CRYBG3: variants seen among roughly 807,000 people sequenced by gnomAD.
The protein encoded by CRYBG3 is crystallin beta-gamma domain containing 3, also known as very large A-kinase anchor protein.
CRYBG3 carries 127 observed loss-of-function variants against 244.2 expected under a neutral mutation model. That is an observed-to-expected ratio of 0.52 (90% confidence interval 0.45 to 0.60). The LOEUF is 0.60. Among genes scored for constraint, CRYBG3 ranks in the 20% least tolerant of loss-of-function variants. The pLI, the probability that CRYBG3 is intolerant of heterozygous loss-of-function variation, is 0.00. For synonymous variants in CRYBG3, 1,132 were observed against 1,195.8 expected (o/e 0.95, Z 1.10); for missense variants, 3,325 against 3,442.5 (o/e 0.97, Z 0.85).
Position 97,875,697 on chromosome 3 carries a change from A to G in CRYBG3, c.4503A>G (p.Val1501=). ...TSKSSLSDSL[V]CISEKNLPGH... ...AAAGCAGTTTGTCTGATAGCCTTGT[A>G]TGTATATCTGAAAAAAACTTGCCAG... Residue 1501 remains valine (V), a synonymous_variant, in exon 4 of 22, where the codon GTA becomes GTG. Coordinates refer to ENST00000389622, the MANE Select transcript of CRYBG3 (RefSeq NM_153605.4). The G allele has an allele frequency of 4.1e-6, 5 of 1,232,558 alleles. No individual in the cohort carries two copies. The highest frequency in any genetic ancestry group is 4.0e-6 in the Non-Finnish European group (4 of 988,350). 76.4% of individuals were successfully genotyped at this position (1,232,558 alleles called of 1,614,324 possible).
intron 3 of CRYBG3, among the ~76,000 whole-genome samples, chr3:97,864,867 A>G (rs1032674831): frequency 1.3e-5 from 2 of 152,104 alleles, no homozygotes; most frequent in Non-Finnish European, 2.9e-5. Flanking sequence ...TTGTCTTAGT[A>G]AAAGATTCTT....
At chr3:97,932,396 G>A (rs1248708119) in intron 17 of CRYBG3, among the ~76,000 whole-genome samples, 1 of 151,880 alleles carries the variant, frequency 6.6e-6, no homozygotes, top group Non-Finnish European at 1.5e-5. Context: ...CTCTCCTGAT[G>A]GGCGTTTAAA....
At chr3:97,912,543 G>T (rs955524104) in intron 16 of CRYBG3, among the ~76,000 whole-genome samples, 3 of 152,056 alleles carry the variant, frequency 2.0e-5, no homozygotes, top group Admixed American at 6.5e-5. Flanking sequence ...TAAATATTTT[G>T]AATGTTTATA....
rs766745161 is a variant in CRYBG3 at position 97,875,967 on chromosome 3, T to C, written c.4773T>C (p.Val1591=). 15 of 1,232,060 alleles carry C rather than the reference T, an allele frequency of 1.2e-5. No individual in the cohort carries two copies. Among genetic ancestry groups the C allele is most frequent in the Non-Finnish European group, 1.5e-5 (15 of 987,938 alleles). 76.3% of individuals were successfully genotyped at this position (1,232,060 alleles called of 1,614,324 possible). The change falls in exon 4 of 22, where the codon GTT becomes GTC. Residue 1591 remains valine, a synonymous_variant. Transcript: ENST00000389622. ...CGAAAACTGAGCCAAAAGCTAATGTTTTTAAAATGGGAGAAGTATACCAAA... is the reference window on the plus strand; with the variant it reads ...CGAAAACTGAGCCAAAAGCTAATGTCTTTAAAATGGGAGAAGTATACCAAA... ...NVTKTEPKAN[V]FKMGEVYQMD...
Position 97,872,474 on chromosome 3 carries a change from T to C in CRYBG3, c.1280T>C (p.Val427Ala), listed in dbSNP as rs1388224561. 1 of 1,536,026 alleles carries C rather than the reference T, an allele frequency of 6.5e-7. No homozygotes were observed. The highest frequency in any genetic ancestry group is 8.7e-7 in the Non-Finnish European group (1 of 1,146,842). Residue 427 changes from valine (V) to alanine (A), a missense_variant, in exon 4 of 22, where the codon GTT (valine) becomes GCT (alanine). Val to Ala is a moderately conservative substitution (Grantham distance 64). Around this residue, in one of 4 missense-constraint regions of CRYBG3, gnomAD observed 1,526 missense variants for 1,443.2 expected, o/e 1.06. Transcript: ENST00000389622. The stretch of plus-strand genomic sequence containing the variant: ...ACATTGGTGCAAAGAGAGGAGCTTG[T>C]TGAGCCTCAGGGCCCTGCTATTTCT... The part of the protein sequence containing the change: ...NRTLVQREEL[V>A]EPQGPAISDF...
intron 1 of CRYBG3, among the ~76,000 whole-genome samples, chr3:97,837,885 G>A (rs1195917002): frequency 6.6e-6 from 1 of 152,054 alleles, no homozygotes; most frequent in Non-Finnish European, 1.5e-5. Context: ...CCCTGATGCA[G>A]TCACAGTTAT....
chr3:97,860,547 G>A (rs1356396857), intron 2 of CRYBG3, among the ~76,000 whole-genome samples: 1 of 152,120 alleles, frequency 6.6e-6, no homozygotes, highest in Non-Finnish European at 1.5e-5. Context: ...GGTATCTGGG[G>A]GATGAATATT....
chr3:97,898,038 G>A (rs531419814), intron 12 of CRYBG3, among the ~76,000 whole-genome samples: 3 of 151,816 alleles, frequency 2.0e-5, no homozygotes, highest in Non-Finnish European at 4.4e-5. Flanking sequence ...GGCTAACACA[G>A]TGAAACCCCA....
intron 17 of CRYBG3, 136 bp from the exon 18 acceptor site, chr3:97,933,558 A>G (rs1348060966): frequency 5.7e-6 from 5 of 884,496 alleles, no homozygotes; most frequent in South Asian, 2.9e-5. Context: ...AGTTTTGACT[A>G]TAGCAACCTT....
chr3:97,847,560 C>T (rs1358304959), intron 2 of CRYBG3, among the ~76,000 whole-genome samples: 1 of 152,166 alleles, frequency 6.6e-6, no homozygotes, highest in Admixed American at 6.5e-5. Context: ...AAAAAGAAAT[C>T]CTATTAAAAC....
chr3:97,874,417 A>G lies in CRYBG3; in HGVS notation c.3223A>G (p.Asn1075Asp). Residue 1075 changes from asparagine to aspartate, a missense_variant, in exon 4 of 22, where the codon AAT becomes GAT. By Grantham distance (23) the Asn-to-Asp change is conservative (BLOSUM62 1). Transcript: ENST00000389622. Reference protein sequence around the residue: ...SYPEEVSMIVNSHKPQNNLDS... With the variant: ...SYPEEVSMIVDSHKPQNNLDS... ...CCCTGAAGAAGTTAGCATGATAGTA[A>G]ATTCACATAAGCCCCAAAATAATTT... 6.5e-7 allele frequency: 1 copy of G among 1,534,948 alleles called. No individual in the cohort carries two copies. The highest frequency in any genetic ancestry group is 8.7e-7 in the Non-Finnish European group (1 of 1,146,558).
In CRYBG3 at chr3:97,875,015, A is replaced by G. The variant is rs2039354232; in HGVS notation, c.3821A>G (p.Lys1274Arg). 1 of 1,535,776 alleles carries G rather than the reference A, an allele frequency of 6.5e-7. No homozygotes were observed. The highest frequency in any genetic ancestry group is 8.7e-7 in the Non-Finnish European group (1 of 1,146,822). The change falls in exon 4 of 22, where the codon AAA becomes AGA. Residue 1274 changes from lysine (K) to arginine (R), a missense_variant. Coordinates refer to ENST00000389622, the MANE Select transcript of CRYBG3 (RefSeq NM_153605.4). Reference protein sequence around the residue: ...EQGMENMSEVKEKPCVSPTVG... With the variant: ...EQGMENMSEVREKPCVSPTVG... The stretch of plus-strand genomic sequence containing the variant: ...GGCATGGAAAACATGTCAGAAGTCA[A>G]AGAGAAGCCCTGTGTTTCACCAACA...
intron 1 of CRYBG3, among the ~76,000 whole-genome samples, chr3:97,842,226 G>T (rs2038829815): frequency 6.6e-6 from 1 of 152,122 alleles, no homozygotes; most frequent in Non-Finnish European, 1.5e-5. Context: ...CTAGTATTAT[G>T]AAAGTATGAA....
rs1158824080 is a variant in CRYBG3 at position 97,877,633 on chromosome 3, G to A, written c.6439G>A (p.Asp2147Asn). ...TGATGAAGATGACAGAGAGGCAGCT[G>A]ATGAGGAAGAAGAGGAGGAGGAGGC... Reference protein sequence around the residue: ...NFDEDDREAADEEEEEEEAAV... With the variant: ...NFDEDDREAANEEEEEEEAAV... Residue 2147 changes from aspartate to asparagine, a missense_variant, in exon 4 of 22, where the codon GAT becomes AAT. Asp to Asn is a conservative substitution (Grantham distance 23). This residue lies in a region of CRYBG3 where 450 missense variants were observed against 424.1 expected (regional missense o/e 1.06). Transcript: ENST00000389622. The A allele has an allele frequency of 6.2e-6, 10 of 1,613,998 alleles. No individual in the cohort carries two copies. Among genetic ancestry groups the A allele is most frequent in the Non-Finnish European group, 8.5e-6 (10 of 1,180,020 alleles).
intron 17 of CRYBG3, among the ~76,000 whole-genome samples, chr3:97,927,741 C>G (rs1021313848): frequency 6.6e-6 from 1 of 151,964 alleles, no homozygotes. Context: ...AAAAAGGGAG[C>G]AAAGGACATG....
chr3:97,913,243 T>C (rs985297348), intron 16 of CRYBG3, among the ~76,000 whole-genome samples: 3 of 152,208 alleles, frequency 2.0e-5, no homozygotes, highest in African/African-American at 7.2e-5. Context: ...TTCAAGCTCT[T>C]TCTTTTCTTG....
rs1576515282 is a variant in CRYBG3, at chr3:97,843,216, C to A, written c.171C>A (p.Ser57Arg). Residue 57 changes from serine to arginine, a missense_variant, in exon 2 of 22, where the codon AGC becomes AGA. Transcript: ENST00000389622. The stretch of plus-strand genomic sequence containing the variant: ...TCAGTGTTGAAAATGAGCCCATGAG[C>A]ACAAGTCAGAAAAAGGAAAATGTAC... Reference protein sequence around the residue: ...SAASVENEPMSTSQKKENVLS... With the variant: ...SAASVENEPMRTSQKKENVLS... The A allele has an allele frequency of 6.6e-7, 1 of 1,521,524 alleles. No individual in the cohort carries two copies. The highest frequency in any genetic ancestry group is 8.8e-7 in the Non-Finnish European group (1 of 1,137,568). 94.3% of individuals were successfully genotyped at this position (1,521,524 alleles called of 1,614,324 possible).
At chr3:97,846,703 G>C (rs146295005) in intron 2 of CRYBG3, among the ~76,000 whole-genome samples, 1 of 152,108 alleles carries the variant, frequency 6.6e-6, no homozygotes, top group South Asian at 2.1e-4. Context: ...GCCTTAAGTG[G>C]TTCCTAGTGT....
intron 1 of CRYBG3, among the ~76,000 whole-genome samples, chr3:97,833,045 T>C (rs556985460): frequency 6.6e-6 from 1 of 152,240 alleles, no homozygotes; most frequent in East Asian, 1.9e-4. Flanking sequence ...ATGGTGATCA[T>C]TAAAACATCA....
Sources: allele counts gnomAD v4.1 joint callset (sites outside exome capture counted in the v4.1 genomes callset), GRCh38; gene constraint gnomAD v4.1.1; regional missense constraint gnomAD v4.1.1; transcripts MANE v1.5; gene names NCBI Gene and HGNC (gene_info 2026-07-23, HGNC 2026-07-21).